The following HECW2 variants were observed in gnomAD, a reference collection of about 807,000 sequenced individuals.
The protein encoded by HECW2 is E3 ubiquitin-protein ligase HECW2.
Under a neutral mutation model 175.2 loss-of-function variants are expected in HECW2, and 61 were observed. That is an observed-to-expected ratio of 0.35 (90% CI 0.28 to 0.43). HECW2 has a LOEUF of 0.43. Among genes scored for constraint, HECW2 ranks in the 20% least tolerant of loss-of-function variants. HECW2 has a pLI of 1.00. For synonymous variants in HECW2, 671 were observed against 731.0 expected (o/e 0.92, Z 1.32); for missense variants, 1,524 against 2,000.5 (o/e 0.76, Z 4.54).
At chr2:196,265,167 C>T (rs976781587) in intron 17 of HECW2, among the ~76,000 whole-genome samples, 3 of 152,072 alleles carry the variant, frequency 2.0e-5, no homozygotes, top group African/African-American at 7.2e-5. Context: ...CACTAAAAAG[C>T]CCTCCTATAA....
At chr2:196,351,888 C>A (rs1693183391) in intron 2 of HECW2, among the ~76,000 whole-genome samples, 1 of 152,134 alleles carries the variant, frequency 6.6e-6, no homozygotes, top group East Asian at 1.9e-4. Flanking sequence ...AAAGAACACC[C>A]CTTCAGAGGG....
intron 2 of HECW2, 35 bp downstream of exon 2, chr2:196,433,097 C>A: frequency 6.4e-7 from 1 of 1,554,672 alleles, no homozygotes; most frequent in South Asian, 1.2e-5. Flanking sequence ...CTTGTATGCT[C>A]TGAGTCACAT....
At chr2:196,230,282 C>G (rs546655119) in intron 21 of HECW2, among the ~76,000 whole-genome samples, 96 of 152,362 alleles carry the variant, frequency 6.3e-4, no homozygotes, top group African/African-American at 2.3e-3. Context: ...CGCTGACCTA[C>G]TTCTGGCCTG....
At position 196,318,937 on chromosome 2, in the gene HECW2, C is replaced by T. The variant is rs759942545; in HGVS notation, c.1953G>A (p.Thr651=). The change falls in exon 9 of 29, where the codon ACG becomes ACA. Residue 651 remains threonine, a synonymous_variant. Transcript: ENST00000644978. ...ACCGTGTGTCCACAGAGGACAGCTG[C>T]GTGGTCACACTCTCATTGCAGGAGC... ...ADSSCNESVT[T]QLSSVDTRCS... is the part of the protein sequence containing the mutation. 11 of 1,604,814 alleles carry T rather than the reference C, an allele frequency of 6.9e-6. No homozygotes were observed. Among genetic ancestry groups the T allele is most frequent in the Admixed American group, 3.4e-5 (2 of 59,192 alleles).
At chr2:196,386,214 G>C (rs1321439270) in intron 2 of HECW2, among the ~76,000 whole-genome samples, 1 of 152,170 alleles carries the variant, frequency 6.6e-6, no homozygotes. Context: ...AGGGGAGATG[G>C]ACAGTAAACA....
chr2:196,361,867 G>C (rs2105884833), intron 2 of HECW2: 1 of 985,270 alleles, frequency 1.0e-6, no homozygotes, highest in Non-Finnish European at 1.2e-6. Flanking sequence ...TTAGGCAGCA[G>C]CAAGAAGAAA....
chr2:196,529,037 G>T (rs1468410352), intron 1 of HECW2, among the ~76,000 whole-genome samples: 2 of 152,214 alleles, frequency 1.3e-5, no homozygotes, highest in Non-Finnish European at 2.9e-5. Flanking sequence ...CTCAGAAACA[G>T]AAATCAAATG....
At chr2:196,314,777 G>C (rs1691626935) in intron 10 of HECW2, among the ~76,000 whole-genome samples, 1 of 152,174 alleles carries the variant, frequency 6.6e-6, no homozygotes, top group South Asian at 2.1e-4. Context: ...ACAACTGTTA[G>C]CCTTAAAATT....
intron 21 of HECW2, among the ~76,000 whole-genome samples, chr2:196,238,160 C>T (rs543019395): frequency 2.6e-5 from 4 of 152,222 alleles, no homozygotes; most frequent in Admixed American, 6.5e-5. Flanking sequence ...ACCCAGGAGG[C>T]GGAGGCTGCA....
chr2:196,459,971 C>T (rs79314922), intron 1 of HECW2, among the ~76,000 whole-genome samples: 5 of 152,178 alleles, frequency 3.3e-5, no homozygotes, highest in South Asian at 2.1e-4. Flanking sequence ...TTACAGAACA[C>T]GAATATTCCT....
chr2:196,421,782 C>G (rs1020632391), intron 2 of HECW2, among the ~76,000 whole-genome samples: 5 of 152,132 alleles, frequency 3.3e-5, no homozygotes, highest in African/African-American at 9.7e-5. Context: ...CTAGAATCAT[C>G]TCAATCTATG....
rs76930726 is a variant in HECW2, at chr2:196,209,431, G to T, written c.4607+6434C>A. On this transcript the variant is annotated intron_variant, in intron 28 of 28. Coordinates refer to ENST00000644978, the MANE Select transcript of HECW2 (RefSeq NM_001348768.2). ...GAATCTTTAATATGGTGATGTGATG[G>T]GTTAACTCTGGCATGTTTTTGTTAG... 7.9e-3 allele frequency among the ~76,000 whole-genome samples: 1,197 copies of T among 152,274 alleles called. 19 individuals carry two copies. Among genetic ancestry groups the T allele is most frequent in the African/African-American group, 0.027 (1,123 of 41,524 alleles).
chr2:196,201,425 G>C (rs765214700), intron 28 of HECW2, 37 bp from the exon 29 acceptor site: 1 of 1,451,872 alleles, frequency 6.9e-7, no homozygotes, highest in South Asian at 1.1e-5. Flanking sequence ...TTTAGAACAG[G>C]CCGAGTGAAA....
chr2:196,375,464 T>C (rs1261743966), intron 2 of HECW2, among the ~76,000 whole-genome samples: 1 of 152,234 alleles, frequency 6.6e-6, no homozygotes, highest in Non-Finnish European at 1.5e-5. Context: ...CTTTAATAGA[T>C]TCTACTTTTA....
At chr2:196,445,577 C>T (rs1486515431) in intron 1 of HECW2, among the ~76,000 whole-genome samples, 2 of 152,048 alleles carry the variant, frequency 1.3e-5, no homozygotes, top group Non-Finnish European at 2.9e-5. Flanking sequence ...GCTCTTGCTA[C>T]AGCATACAAA....
chr2:196,410,200 G>A (rs1695071221), intron 2 of HECW2, among the ~76,000 whole-genome samples: 2 of 152,176 alleles, frequency 1.3e-5, no homozygotes, highest in South Asian at 4.1e-4. Flanking sequence ...GGGATGCAAA[G>A]ATTTGTAAAT....
chr2:196,322,958 C>A (rs1457406627), intron 6 of HECW2, among the ~76,000 whole-genome samples: 1 of 152,190 alleles, frequency 6.6e-6, no homozygotes, highest in Non-Finnish European at 1.5e-5. Flanking sequence ...TATCTCAATT[C>A]TTTGATATTT....
chr2:196,271,966 T>C (rs927739007), intron 16 of HECW2, among the ~76,000 whole-genome samples: 1 of 152,148 alleles, frequency 6.6e-6, no homozygotes. Flanking sequence ...ATATTTATTA[T>C]CAAATGGCAA....
intron 2 of HECW2, among the ~76,000 whole-genome samples, chr2:196,382,578 C>T (rs1383017754): frequency 6.6e-6 from 1 of 151,644 alleles, no homozygotes; most frequent in Admixed American, 6.6e-5. Context: ...CTAAGTAAAC[C>T]CCAGAAAGAA....
Sources: gnomAD v4.1 joint callset for allele counts (sites outside exome capture counted in the v4.1 genomes callset) on GRCh38, gnomAD v4.1.1 for gene constraint, MANE v1.5 for transcripts, NCBI Gene and HGNC (gene_info 2026-07-23, HGNC 2026-07-21) for gene names.